Variants in SPON2 observed in about 807,000 individuals in gnomAD.
SPON2 encodes spondin 2, also known as spondin-2.
In SPON2, 32 loss-of-function variants were observed where a neutral mutation model predicts 29.9. The ratio of observed to expected loss-of-function variants is 1.07; its 90% CI spans 0.81 to 1.44. The LOEUF (loss-of-function observed/expected upper bound fraction) is 1.44, where lower values mean the gene tolerates loss of function less well. SPON2 is among the 40% of genes most tolerant of loss of function. The pLI is 0.00. For missense variants in SPON2, 541 were observed against 455.5 expected (o/e 1.19, Z -1.71); for synonymous variants, 248 against 209.1 (o/e 1.19, Z -1.61).
chr4:1,178,027 C>T (rs1322619034), upstream of SPON2, among the ~76,000 whole-genome samples: 4 of 152,048 alleles, frequency 2.6e-5, no homozygotes, highest in Non-Finnish European at 4.4e-5. Flanking sequence ...CCAAGGGCCT[C>T]GCTCCGGCCA....
chr4:1,170,786 C>T (rs1332567202), intron 4 of SPON2: 6 of 946,850 alleles, frequency 6.3e-6, no homozygotes, highest in Admixed American at 6.0e-5. Flanking sequence ...ACGCGCGTCC[C>T]GCTGTCCTCC....
chr4:1,173,582 G>A (rs899930779), upstream of SPON2, among the ~76,000 whole-genome samples: 5 of 152,214 alleles, frequency 3.3e-5, no homozygotes, highest in Admixed American at 6.5e-5. Flanking sequence ...GAAACAGAGC[G>A]GAGGAAGGAG....
At chr4:1,188,590 T>A (rs1727847894) in intron 1 of SPON2, among the ~76,000 whole-genome samples, 1 of 152,208 alleles carries the variant, frequency 6.6e-6, no homozygotes, top group African/African-American at 2.4e-5. Context: ...AAGGATATTT[T>A]ATAGTGATAA....
chr4:1,194,699 G>A (rs1023690508), intron 1 of SPON2, among the ~76,000 whole-genome samples: 2 of 152,108 alleles, frequency 1.3e-5, no homozygotes, highest in Admixed American at 6.5e-5. Context: ...CCCCAGCCTC[G>A]CTGGTGGCCT....
intron 5 of SPON2, 62 bp from the exon 6 acceptor site, chr4:1,167,718 G>A: frequency 2.0e-6 from 3 of 1,505,532 alleles, no homozygotes; most frequent in South Asian, 2.6e-5. Context: ...TCGTACAAAC[G>A]GAAGCCACCT....
At chr4:1,206,280 G>T (rs973065349) in intron 1 of SPON2, among the ~76,000 whole-genome samples, 3 of 152,094 alleles carry the variant, frequency 2.0e-5, no homozygotes, top group Non-Finnish European at 2.9e-5. Context: ...CCCTGCCAAG[G>T]GTCTGCGGGT....
chr4:1,201,141 C>T (rs767552007), intron 1 of SPON2: 1 of 455,888 alleles, frequency 2.2e-6, no homozygotes, highest in South Asian at 1.5e-5. Context: ...CCAGCGGGAC[C>T]CAGATTCCCT....
upstream of SPON2, among the ~76,000 whole-genome samples, chr4:1,198,193 C>T (rs1481920137): frequency 2.0e-5 from 3 of 152,200 alleles, no homozygotes; most frequent in African/African-American, 4.8e-5. Flanking sequence ...CCCGCTCGGC[C>T]GGGGCAGCTG....
chr4:1,195,046 C>CCTCACCTCACAGCCGGCGGT (rs1728026517), exon 1 of SPON2: 11 of 37,558 alleles, frequency 2.9e-4, no homozygotes, highest in African/African-American at 7.6e-4. Context: ...CAGCCGGCGG[C>CCTCACCTCACAGCCGGCGGT]TCCAACCCCG....
chr4:1,186,039 T>G (rs934194182), intron 1 of SPON2, among the ~76,000 whole-genome samples: 1 of 149,958 alleles, frequency 6.7e-6, no homozygotes, highest in South Asian at 2.1e-4. Context: ...GGTCAGGAGA[T>G]CGAGACCATC....
intron 1 of SPON2, chr4:1,200,687 C>A (rs769578405): frequency 5.0e-6 from 2 of 401,514 alleles, no homozygotes; most frequent in Admixed American, 5.3e-5. Flanking sequence ...TGTGGACGAC[C>A]CTCACAACTC....
At chr4:1,198,780 C>T (rs1392820822), upstream of SPON2, among the ~76,000 whole-genome samples, 2 of 152,168 alleles carry the variant, frequency 1.3e-5, no homozygotes, top group Non-Finnish European at 2.9e-5. Flanking sequence ...CAGAGAACCT[C>T]ACCGACAGGT....
chr4:1,177,935 A>T (rs376919498), upstream of SPON2, among the ~76,000 whole-genome samples: 35 of 152,282 alleles, frequency 2.3e-4, no homozygotes, highest in South Asian at 6.8e-3. Flanking sequence ...CCTGCTGCGC[A>T]TTTGAAAACC....
intron 1 of SPON2, among the ~76,000 whole-genome samples, chr4:1,193,716 GAA>G (rs1727965175): frequency 1.5e-4 from 1 of 6,676 alleles, no homozygotes; most frequent in Non-Finnish European, 3.3e-4. Context: ...GGGGGTGTAG[GAA>G]GGACATGGGC....
upstream of SPON2, among the ~76,000 whole-genome samples, chr4:1,173,403 C>A (rs1727524661): frequency 2.0e-5 from 3 of 152,168 alleles, no homozygotes; most frequent in African/African-American, 7.2e-5. Context: ...GGGGGCCCCC[C>A]TCCCCAGGAC....
rs1279279116 is a variant in SPON2 at position 1,171,620 on chromosome 4, C to T, written c.221-134G>A. On this transcript the variant is annotated intron_variant, in intron 2 of 5. Transcript: ENST00000290902. ...GGCCCCCAGTCACGTCGGACCGTGA[C>T]ACCCTGTGGCTGCCCCTGCCGCGAC... The T allele has an allele frequency of 3.0e-5, 30 of 994,508 alleles. No homozygotes were observed. The East Asian group carries it at 7.6e-4, about 25-fold the overall frequency. 61.6% of individuals were successfully genotyped at this position (994,508 alleles called of 1,614,324 possible).
chr4:1,174,073 G>A (rs1024088131), upstream of SPON2, among the ~76,000 whole-genome samples: 55 of 152,082 alleles, frequency 3.6e-4, no homozygotes, highest in African/African-American at 1.3e-3. Flanking sequence ...GGTGGAGTGC[G>A]CCTGTGGTCT....
rs771010454 is a variant in SPON2, at chr4:1,170,625, T to C, written c.637-49A>G. 3.2e-6 allele frequency: 5 copies of C among 1,563,050 alleles called. No individual in the cohort carries two copies. The East Asian group carries it at 1.2e-4, about 37-fold the overall frequency. ...GGCCTGGGGTCCGAGAAGCCCACCTTCTGGTATGCGTATGGCCTCACTGGG... is the reference window on the plus strand; with the variant it reads ...GGCCTGGGGTCCGAGAAGCCCACCTCCTGGTATGCGTATGGCCTCACTGGG... On this transcript the variant is annotated intron_variant, in intron 4 of 5. Coordinates refer to ENST00000290902, the MANE Select transcript of SPON2 (RefSeq NM_012445.4).
chr4:1,182,289 A>G (rs1010993009), intron 1 of SPON2, among the ~76,000 whole-genome samples: 1 of 152,216 alleles, frequency 6.6e-6, no homozygotes, highest in Non-Finnish European at 1.5e-5. Context: ...CTAGACAAAG[A>G]CTTTAAAACA....
Sources: gnomAD v4.1 joint callset for allele counts (sites outside exome capture counted in the v4.1 genomes callset) on GRCh38, gnomAD v4.1.1 for gene constraint, MANE v1.5 for transcripts, NCBI Gene and HGNC (gene_info 2026-07-23, HGNC 2026-07-21) for gene names.